The following YES1 variants were observed in gnomAD, a reference collection of about 807,000 sequenced individuals.
YES1 encodes tyrosine-protein kinase Yes.
In YES1, 39 loss-of-function variants were observed where a neutral mutation model predicts 70.4. The ratio of observed to expected loss-of-function variants is 0.55; its 90% CI spans 0.43 to 0.72. The LOEUF is 0.72. Among genes scored for constraint, YES1 ranks in the 30% least tolerant of loss-of-function variants. The probability of loss-of-function intolerance (pLI) is 0.00; values close to 1 mark genes in which losing one functional copy is unlikely to be tolerated. For missense variants in YES1, 495 were observed against 644.8 expected, an observed-to-expected ratio of 0.77 and a Z score of 2.52; for synonymous variants, 198 against 218.6, an observed-to-expected ratio of 0.91 and a Z score of 0.83.
chr18:726,781 C>CAAAAAAA lies in YES1; in HGVS notation c.1424-2156_1424-2150dup, dbSNP rs58322434. 3.2e-3 allele frequency among the ~76,000 whole-genome samples: 149 copies of CAAAAAAA among 47,246 alleles called. 20 individuals are homozygous for CAAAAAAA. Among genetic ancestry groups the CAAAAAAA allele is most frequent in the Non-Finnish European group, 4.4e-3 (125 of 28,406 alleles). 31.0% of individuals were successfully genotyped at this position (47,246 alleles called of 152,430 possible). On this transcript the variant is annotated intron_variant, in intron 11 of 11. Coordinates refer to ENST00000314574, the MANE Select transcript of YES1 (RefSeq NM_005433.4). ...GGGTGACAAAGCAAGACTCTTGTCT[C>CAAAAAAA]AAAAAAAAAAAAAAAAAAAAAAAAA...
At chr18:734,384 CACT>C (rs1445905924) in intron 10 of YES1, among the ~76,000 whole-genome samples, 4 of 150,486 alleles carry the variant, frequency 2.7e-5, no homozygotes, top group Non-Finnish European at 4.4e-5. Flanking sequence ...AAAACCCCGT[CACT>C]ACTAAAAATA....
intron 1 of YES1, among the ~76,000 whole-genome samples, chr18:774,682 C>T (rs934210810): frequency 1.3e-5 from 2 of 152,186 alleles, no homozygotes; most frequent in Non-Finnish European, 2.9e-5. Context: ...CATCACCTTT[C>T]ACTAATTCAA....
At chr18:781,667 CTT>C (rs1316679448) in intron 1 of YES1, among the ~76,000 whole-genome samples, 4 of 152,288 alleles carry the variant, frequency 2.6e-5, no homozygotes, top group African/African-American at 9.6e-5. Context: ...TACAAACTGA[CTT>C]TGGAGTCAGA....
chr18:756,509 A>G, intron 2 of YES1, 48 bp downstream of exon 2: 1 of 1,604,756 alleles, frequency 6.2e-7, no homozygotes, highest in Non-Finnish European at 8.5e-7. Context: ...TATATTACCC[A>G]AGGTGATGTT....
At chr18:765,193 C>G (rs142977036) in intron 1 of YES1, among the ~76,000 whole-genome samples, 1 of 136,952 alleles carries the variant, frequency 7.3e-6, no homozygotes, top group Non-Finnish European at 1.6e-5. Context: ...TCCATAGATA[C>G]GAAAAGATAA....
intron 1 of YES1, among the ~76,000 whole-genome samples, chr18:811,287 CAATT>C (rs1294821321): frequency 2.0e-5 from 3 of 151,990 alleles, no homozygotes; most frequent in Non-Finnish European, 4.4e-5. Flanking sequence ...ACGCCTGTAT[CAATT>C]AATTATGCAG....
At chr18:751,878 GC>G in intron 2 of YES1, 74 bp from the exon 3 acceptor site, 12 of 804,308 alleles carry the variant, frequency 1.5e-5, no homozygotes, top group South Asian at 4.9e-5. Flanking sequence ...ACTATTGCCA[GC>G]CAAAAAAAAA....
chr18:799,319 A>AT (rs1906701368), intron 1 of YES1, among the ~76,000 whole-genome samples: 1 of 152,102 alleles, frequency 6.6e-6, no homozygotes, highest in Middle Eastern at 3.4e-3. Flanking sequence ...GCTAGAAACT[A>AT]TTTTTTCCAG....
intron 1 of YES1, among the ~76,000 whole-genome samples, chr18:791,947 C>T (rs969365662): frequency 2.0e-5 from 3 of 151,882 alleles, no homozygotes; most frequent in Non-Finnish European, 4.4e-5. Context: ...CCCAGCTACT[C>T]GAAATCGGGT....
chr18:781,263 CTG>C (rs1186006628), intron 1 of YES1, among the ~76,000 whole-genome samples: 3 of 108,710 alleles, frequency 2.8e-5, no homozygotes, highest in African/African-American at 1.2e-4. Context: ...GAGTGAAACT[CTG>C]TCTCAAAAAA....
intron 10 of YES1, among the ~76,000 whole-genome samples, chr18:735,161 C>CAAAAAAAGAAAAAAAA (rs759084064): frequency 3.5e-4 from 39 of 110,678 alleles, no homozygotes; most frequent in African/African-American, 1.2e-3. Context: ...TGTCTCAAAG[C>CAAAAAAAGAAAAAAAA]AAAAAAAAAA....
chr18:782,957 C>T (rs1490954592), intron 1 of YES1, among the ~76,000 whole-genome samples: 1 of 152,254 alleles, frequency 6.6e-6, no homozygotes, highest in African/African-American at 2.4e-5. Context: ...GCTGCGATTA[C>T]AGGCGTGAGC....
chr18:797,694 A>G (rs1906611832), intron 1 of YES1, among the ~76,000 whole-genome samples: 1 of 152,240 alleles, frequency 6.6e-6, no homozygotes, highest in Admixed American at 6.5e-5. Context: ...TCTTTTTAAC[A>G]AACTTTAAAA....
chr18:764,383 C>A (rs191712292), intron 1 of YES1, among the ~76,000 whole-genome samples: 5 of 151,996 alleles, frequency 3.3e-5, no homozygotes, highest in African/African-American at 1.2e-4. Context: ...CCACCATGCC[C>A]GGCTAATTTT....
chr18:760,339 G>A (rs1041280460), intron 1 of YES1, among the ~76,000 whole-genome samples: 3 of 152,100 alleles, frequency 2.0e-5, no homozygotes, highest in South Asian at 2.1e-4. Flanking sequence ...GTGTGGTGGT[G>A]CGCACCTGTA....
At chr18:811,699 G>A (rs4520909) in intron 1 of YES1, among the ~76,000 whole-genome samples, 42,750 of 152,156 alleles carry the variant, frequency 0.28, 6,628 homozygotes, top group African/African-American at 0.41. Context: ...GGCGTCGGCC[G>A]ATACACAGAC....
At chr18:731,844 A>G (rs373049030) in intron 11 of YES1, among the ~76,000 whole-genome samples, 68 of 151,536 alleles carry the variant, frequency 4.5e-4, no homozygotes, top group Non-Finnish European at 6.5e-4. Context: ...GCGGGTGCCT[A>G]TAGTCCTAGC....
At chr18:741,700 G>A (rs1598896972) in intron 8 of YES1, among the ~76,000 whole-genome samples, 1 of 152,148 alleles carries the variant, frequency 6.6e-6, no homozygotes, top group Non-Finnish European at 1.5e-5. Flanking sequence ...CTACTCAGGA[G>A]GCTGAGATGA....
Position 746,024 on chromosome 18 carries a change from T to C in YES1, c.498A>G (p.Lys166=), listed in dbSNP as rs905326266. The change falls in exon 5 of 12, where the codon AAA becomes AAG. Residue 166 remains lysine, a synonymous_variant. Transcript: ENST00000314574. ...GATTCAAAAGTAATCTTTCAGCATCTTTTCTCCCCATTTTGCCAAAATACC... is the reference window on the plus strand; with the variant it reads ...GATTCAAAAGTAATCTTTCAGCATCCTTTCTCCCCATTTTGCCAAAATACC... ...EEWYFGKMGR[K]DAERLLLNPG... The C allele has an allele frequency of 6.2e-7, 1 of 1,612,384 alleles. No individual in the cohort carries two copies. Among genetic ancestry groups the C allele is most frequent in the Non-Finnish European group, 8.5e-7 (1 of 1,179,550 alleles).
Sources: gnomAD v4.1 joint callset for allele counts (sites outside exome capture counted in the v4.1 genomes callset) on GRCh38, gnomAD v4.1.1 for gene constraint, MANE v1.5 for transcripts, NCBI Gene and HGNC (gene_info 2026-07-23, HGNC 2026-07-21) for gene names.